The following RAPGEF2 variants were observed in gnomAD, a reference collection of about 807,000 sequenced individuals.
RAPGEF2 encodes Rap guanine nucleotide exchange factor 2.
RAPGEF2 carries 54 observed loss-of-function variants against 186.7 expected under a neutral mutation model. The observed-to-expected ratio is 0.29, with a 90% CI of 0.23 to 0.36. The LOEUF (loss-of-function observed/expected upper bound fraction) is 0.36, where lower values mean the gene tolerates loss of function less well. RAPGEF2 is among the 10% of genes least tolerant of loss of function. The pLI, the probability that RAPGEF2 is intolerant of heterozygous loss-of-function variation, is 1.00. For synonymous variants in RAPGEF2, 712 were observed against 705.9 expected (o/e 1.01, Z -0.14); for missense variants, 1,532 against 2,045.0 (o/e 0.75, Z 4.84).
At chr4:159,332,821 T>G (rs1766870755) in intron 17 of RAPGEF2, 124 bp downstream of exon 17, 1 of 1,199,298 alleles carries the variant, frequency 8.3e-7, no homozygotes, top group Non-Finnish European at 1.1e-6. Context: ...ACTGAGCTAT[T>G]TTGGAAGCAG....
At chr4:159,222,488 T>TG (rs1751636604) in intron 4 of RAPGEF2, among the ~76,000 whole-genome samples, 1 of 152,194 alleles carries the variant, frequency 6.6e-6, no homozygotes, top group Admixed American at 6.5e-5. Context: ...ATATTTCTCT[T>TG]GAAGAAATAA....
chr4:159,329,738 A>G (rs1359171099), intron 11 of RAPGEF2, 120 bp from the exon 12 acceptor site: 6 of 733,104 alleles, frequency 8.2e-6, no homozygotes, highest in African/African-American at 1.8e-5. Context: ...ATTAATTTAG[A>G]AAGTATGGGA....
rs1447999976 is a variant in RAPGEF2, at chr4:159,353,703, G to A, written c.4308G>A (p.Gly1436=). The change falls in exon 28 of 30, where the codon GGG becomes GGA. Residue 1436 remains glycine, a synonymous_variant. Coordinates refer to ENST00000691494, the MANE Select transcript of RAPGEF2 (RefSeq NM_001394067.2). The surrounding 1 kb of genome is among the most constrained non-coding windows in gnomAD (Gnocchi z 4.3). ...GAAGCTGGGAGACTCTTCCATTCGGGCATACTCACTTTGATTATTCAGGGG... is the reference window on the plus strand; with the variant it reads ...GAAGCTGGGAGACTCTTCCATTCGGACATACTCACTTTGATTATTCAGGGG... ...HQRSWETLPF[G]HTHFDYSGDP... is the part of the protein sequence containing the mutation. 1 of 1,600,974 alleles carries A rather than the reference G, an allele frequency of 6.2e-7. No homozygotes were observed. Among genetic ancestry groups the A allele is most frequent in the Non-Finnish European group, 8.5e-7 (1 of 1,173,930 alleles).
chr4:159,209,323 T>C (rs1750289697), intron 3 of RAPGEF2, among the ~76,000 whole-genome samples: 1 of 152,120 alleles, frequency 6.6e-6, no homozygotes, highest in African/African-American at 2.4e-5. Context: ...GATGGTCTTA[T>C]ATGAAAAACA....
At chr4:159,281,974 C>G (rs894431805) in intron 7 of RAPGEF2, among the ~76,000 whole-genome samples, 15 of 152,304 alleles carry the variant, frequency 9.8e-5, no homozygotes, top group African/African-American at 2.9e-4. Flanking sequence ...TGGAACCCAA[C>G]TCTTCTCTGT....
rs139251048 is a variant in RAPGEF2 at position 159,357,158 on chromosome 4, G to A, written c.4958-956G>A. ...GAGGATTGCTTGAGGCCAGGAGTTC[G>A]AGACAAGCCTGGGCAACATAGTGAG... On this transcript the variant is annotated intron_variant, in intron 29 of 29. Coordinates refer to ENST00000691494, the MANE Select transcript of RAPGEF2 (RefSeq NM_001394067.2). Among the ~76,000 whole-genome samples, 919 of 152,280 alleles carry A rather than the reference G, an allele frequency of 6.0e-3. 13 individuals are homozygous for A. Among genetic ancestry groups the A allele is most frequent in the African/African-American group, 0.021 (869 of 41,556 alleles).
chr4:159,141,401 C>T (rs950945826), intron 1 of RAPGEF2, among the ~76,000 whole-genome samples: 13 of 152,216 alleles, frequency 8.5e-5, no homozygotes, highest in African/African-American at 3.1e-4. Flanking sequence ...CTGGATACCT[C>T]ATTATTTATC....
chr4:159,132,929 A>G (rs891842094), intron 1 of RAPGEF2, among the ~76,000 whole-genome samples: 3 of 150,184 alleles, frequency 2.0e-5, no homozygotes, highest in East Asian at 1.9e-4. Context: ...ATAAAAAGTT[A>G]TACAGTGCAG....
chr4:159,164,251 G>A (rs1428579560), intron 1 of RAPGEF2, among the ~76,000 whole-genome samples: 1 of 151,056 alleles, frequency 6.6e-6, no homozygotes, highest in Non-Finnish European at 1.5e-5. Flanking sequence ...TGATCCGCCC[G>A]CCTCAGCCTC....
chr4:159,352,510 A>G (rs1287870944), intron 26 of RAPGEF2, 175 bp from the exon 27 acceptor site: 2 of 581,882 alleles, frequency 3.4e-6, no homozygotes, highest in Non-Finnish European at 6.1e-6. Context: ...CTTAAGCTTC[A>G]TTAGAATAAA....
intron 7 of RAPGEF2, among the ~76,000 whole-genome samples, chr4:159,262,694 C>T (rs949957279): frequency 6.6e-6 from 1 of 152,180 alleles, no homozygotes; most frequent in Non-Finnish European, 1.5e-5. Context: ...TAATCTTTCC[C>T]TTCTAACATG....
intron 7 of RAPGEF2, among the ~76,000 whole-genome samples, chr4:159,278,380 T>G (rs1164430222): frequency 6.6e-6 from 1 of 152,182 alleles, no homozygotes; most frequent in African/African-American, 2.4e-5. Context: ...TTAAATACTC[T>G]ACTCTTATAA....
Position 159,304,388 on chromosome 4 carries a change from C to T in RAPGEF2, c.590C>T (p.Pro197Leu), listed in dbSNP as rs754408617. The change falls in exon 8 of 30, where the codon CCA becomes CTA. Residue 197 changes from proline to leucine, a missense_variant. This residue lies in a region of RAPGEF2 where 810 missense variants were observed against 1,210.5 expected (regional missense o/e 0.67). Coordinates refer to ENST00000691494, the MANE Select transcript of RAPGEF2 (RefSeq NM_001394067.2). ...CTGCATCTTACTGACAGTCTCCACC[C>T]ACAGGTGACCCACGTTTCTTCTAGC... is the stretch of plus-strand genomic sequence containing the variant. ...TKLHLTDSLH[P>L]QVTHVSSSHS... 6.2e-7 allele frequency: 1 copy of T among 1,604,032 alleles called. No individual in the cohort carries two copies. Among genetic ancestry groups the T allele is most frequent in the Non-Finnish European group, 8.5e-7 (1 of 1,171,288 alleles).
chr4:159,261,536 C>T (rs1756880517), intron 7 of RAPGEF2, among the ~76,000 whole-genome samples: 1 of 152,180 alleles, frequency 6.6e-6, no homozygotes, highest in Non-Finnish European at 1.5e-5. Context: ...TATTAATATT[C>T]CATTTTTATA....
chr4:159,264,641 G>A (rs1757230453), intron 7 of RAPGEF2, among the ~76,000 whole-genome samples: 1 of 152,118 alleles, frequency 6.6e-6, no homozygotes, highest in African/African-American at 2.4e-5. Context: ...TAAAAGGCCA[G>A]TGGGATTAAA....
intron 4 of RAPGEF2, among the ~76,000 whole-genome samples, chr4:159,217,555 C>G (rs1579492090): frequency 1.3e-5 from 2 of 152,286 alleles, no homozygotes; most frequent in Admixed American, 1.3e-4. Flanking sequence ...TCCAGTCCAC[C>G]ACAGATGGGC....
At chr4:159,273,684 TTCTTTCTTTCTTTCTTTCTC>T (rs1758468815) in intron 7 of RAPGEF2, among the ~76,000 whole-genome samples, 1 of 147,118 alleles carries the variant, frequency 6.8e-6, no homozygotes, top group Non-Finnish European at 1.5e-5. Context: ...CTTTCTTTCT[TTCTTTCTTTCTTTCTTTCTC>T]AATTTAAATA....
intron 6 of RAPGEF2, among the ~76,000 whole-genome samples, chr4:159,242,006 C>G (rs1456865686): frequency 6.6e-6 from 1 of 152,038 alleles, no homozygotes; most frequent in East Asian, 1.9e-4. Flanking sequence ...CAAAGATCCT[C>G]TTAAAGGCAG....
intron 3 of RAPGEF2, among the ~76,000 whole-genome samples, chr4:159,203,191 C>T (rs570088683): frequency 1.3e-5 from 2 of 152,200 alleles, no homozygotes; most frequent in Admixed American, 6.5e-5. Flanking sequence ...AGGATATTGC[C>T]GAGGAGGCTC....
Sources: gnomAD v4.1 joint callset for allele counts (sites outside exome capture counted in the v4.1 genomes callset) on GRCh38, gnomAD v4.1.1 for gene constraint, gnomAD v4.1.1 regional missense constraint, Gnocchi (gnomAD v3.1) non-coding constraint, MANE v1.5 for transcripts, NCBI Gene and HGNC (gene_info 2026-07-23, HGNC 2026-07-21) for gene names.